The following TLK2 variants were observed in gnomAD, a reference collection of about 807,000 sequenced individuals.
The protein encoded by TLK2 is tousled like kinase 2, also known as serine/threonine-protein kinase tousled-like 2.
Under a neutral mutation model 117.3 loss-of-function variants are expected in TLK2, and 6 were observed. The ratio of observed to expected loss-of-function variants is 0.05; its 90% confidence interval spans 0.03 to 0.10. The LOEUF is 0.10. TLK2 is among the 10% of genes least tolerant of loss of function. The pLI, the probability that TLK2 is intolerant of heterozygous loss-of-function variation, is 1.00. For missense variants in TLK2, 299 were observed against 901.2 expected (o/e 0.33, Z 8.56); for synonymous variants, 257 against 316.7 (o/e 0.81, Z 2.00).
intron 2 of TLK2, among the ~76,000 whole-genome samples, chr17:62,482,484 C>G (rs2071794209): frequency 6.8e-6 from 1 of 148,050 alleles, no homozygotes; most frequent in Non-Finnish European, 1.5e-5. Flanking sequence ...GAGCCTTGCT[C>G]TGTCACCCAG....
At chr17:62,592,396 C>T (rs2082146040) in intron 16 of TLK2, among the ~76,000 whole-genome samples, 1 of 152,098 alleles carries the variant, frequency 6.6e-6, no homozygotes, top group Non-Finnish European at 1.5e-5. Flanking sequence ...AGAAAAGTAC[C>T]TTAAAAATGC....
chr17:62,472,836 G>A (rs2144192098), intron 1 of TLK2, among the ~76,000 whole-genome samples: 1 of 152,138 alleles, frequency 6.6e-6, no homozygotes, highest in South Asian at 2.1e-4. Context: ...AACTCCCCTG[G>A]TTATTATCAG....
chr17:62,516,469 T>C (rs1334408124), intron 2 of TLK2: 4 of 1,602,638 alleles, frequency 2.5e-6, no homozygotes, highest in Non-Finnish European at 3.4e-6. Flanking sequence ...CCTGCCAGTC[T>C]CTGGACGGCT....
chr17:62,611,665 A>G (rs2083781825), intron 21 of TLK2, among the ~76,000 whole-genome samples: 1 of 152,254 alleles, frequency 6.6e-6, no homozygotes, highest in Admixed American at 6.5e-5. Context: ...TATTTAAAAT[A>G]GTTATATTGA....
Position 62,486,180 on chromosome 17 carries a change from G to A in TLK2, c.81+4974G>A, listed in dbSNP as rs558594461. ...GCTGTCCTACCTCTTTTTTTGAGAC[G>A]GGGTCTCACTCTGTCACCTGGGCTA... On this transcript the variant is annotated intron_variant, in intron 2 of 21. Coordinates refer to ENST00000346027, the MANE Select transcript of TLK2 (RefSeq NM_006852.6). Among the ~76,000 whole-genome samples, 4 of 150,876 alleles carry A rather than the reference G, an allele frequency of 2.7e-5. No homozygotes were observed. The South Asian group carries it at 6.3e-4, about 24-fold the overall frequency.
intron 2 of TLK2, among the ~76,000 whole-genome samples, chr17:62,495,392 A>G (rs549755261): frequency 6.6e-6 from 1 of 152,126 alleles, no homozygotes; most frequent in Non-Finnish European, 1.5e-5. Context: ...AAGAGTTTAG[A>G]GTCCAGGGCA....
At chr17:62,474,420 TTTTA>T (rs1177176330), upstream of TLK2, among the ~76,000 whole-genome samples, 24 of 150,136 alleles carry the variant, frequency 1.6e-4, no homozygotes, top group African/African-American at 5.6e-4. Context: ...ATTTATTTAC[TTTTA>T]TTTGAGAGGG....
chr17:62,536,953 G>A (rs1176777548), intron 7 of TLK2, among the ~76,000 whole-genome samples: 5 of 152,146 alleles, frequency 3.3e-5, no homozygotes, highest in Non-Finnish European at 7.3e-5. Flanking sequence ...TTCATAAGGC[G>A]CTATGAGTGC....
At position 62,499,052 on chromosome 17, in the gene TLK2, C is replaced by T. The variant is rs112752397; in HGVS notation, c.81+17846C>T. On this transcript the variant is annotated intron_variant, in intron 2 of 21. Transcript: ENST00000346027. ...CTAATTTTTGTATTTTTTGTAAAGA[C>T]GAGGTTGGCCAGGCGCAGTGACTCA... Among the ~76,000 whole-genome samples, 567 of 151,892 alleles carry T rather than the reference C, an allele frequency of 3.7e-3. 2 individuals are homozygous for T. The highest frequency in any genetic ancestry group is 0.013 in the African/African-American group (535 of 41,472).
At chr17:62,524,622 T>A (rs867466501) in intron 6 of TLK2, among the ~76,000 whole-genome samples, 4 of 152,222 alleles carry the variant, frequency 2.6e-5, no homozygotes, top group Admixed American at 2.0e-4. Context: ...TTTTTTCCCT[T>A]GCCAAATTTG....
chr17:62,608,969 T>C (rs1345086212), intron 21 of TLK2, among the ~76,000 whole-genome samples: 1 of 152,246 alleles, frequency 6.6e-6, no homozygotes, highest in Middle Eastern at 3.2e-3. Flanking sequence ...TTTTCCTTGC[T>C]ATTTTATTTA....
chr17:62,550,255 A>G (rs1169058150), intron 7 of TLK2: 2 of 152,316 alleles, frequency 1.3e-5, no homozygotes, highest in Admixed American at 1.3e-4. Context: ...TGCTGGGATT[A>G]CAGACATGAG....
chr17:62,516,483 G>A (rs2075601615), intron 2 of TLK2: 1 of 1,605,064 alleles, frequency 6.2e-7, no homozygotes, highest in African/African-American at 1.3e-5. Context: ...GACGGCTACG[G>A]CGTAGGGTGG....
rs142280804 is a variant in TLK2 at position 62,602,364 on chromosome 17, T to A, written c.1859+184T>A. Among the ~76,000 whole-genome samples the A allele has an allele frequency of 2.6e-3, 391 of 152,368 alleles. 2 individuals are homozygous for A. The highest frequency in any genetic ancestry group is 8.9e-3 in the African/African-American group (370 of 41,594). On this transcript the variant is annotated intron_variant, in intron 19 of 21. Coordinates refer to ENST00000346027, the MANE Select transcript of TLK2 (RefSeq NM_006852.6). ...TTGACTCTTGGTATTTATATTAATTTGTCTTAATTTTTCTTTCCTTTCTTG... is the reference window on the plus strand; with the variant it reads ...TTGACTCTTGGTATTTATATTAATTAGTCTTAATTTTTCTTTCCTTTCTTG...
chr17:62,516,913 G>A, intron 2 of TLK2: 1 of 625,384 alleles, frequency 1.6e-6, no homozygotes, highest in Non-Finnish European at 2.8e-6. Flanking sequence ...AGTTTCTCCA[G>A]CACCATTTTT....
At position 62,523,146 on chromosome 17, in the gene TLK2, C is replaced by T; in HGVS notation, c.236C>T (p.Pro79Leu). 1 of 1,599,844 alleles carries T rather than the reference C, an allele frequency of 6.3e-7. No individual in the cohort carries two copies. The highest frequency in any genetic ancestry group is 8.5e-7 in the Non-Finnish European group (1 of 1,176,368). ...GTTTCATTTTCAGGGAAAGGCACTC[C>T]TAGGGGACATAAAATTAGTGATTAC... is the stretch of plus-strand genomic sequence containing the variant. ...PYETSQGKGT[P>L]RGHKISDYFE... Residue 79 changes from proline (P) to leucine (L), a missense_variant, in exon 5 of 22, where the codon CCT becomes CTT. By Grantham distance (98) the Pro-to-Leu change is moderately conservative. Coordinates refer to ENST00000346027, the MANE Select transcript of TLK2 (RefSeq NM_006852.6).
intron 3 of TLK2, among the ~76,000 whole-genome samples, chr17:62,521,119 C>A (rs546700125): frequency 2.6e-5 from 4 of 152,238 alleles, no homozygotes; most frequent in African/African-American, 7.2e-5. Context: ...GTGATGGCAC[C>A]ACTGCACTCC....
chr17:62,517,101 C>T (rs1041226092), intron 2 of TLK2, among the ~76,000 whole-genome samples: 82 of 152,010 alleles, frequency 5.4e-4, no homozygotes, highest in African/African-American at 1.8e-3. Context: ...AGGTTGGGTT[C>T]GCCATGTTGG....
intron 4 of TLK2, 140 bp downstream of exon 4, chr17:62,522,413 G>A (rs1326489141): frequency 1.1e-6 from 1 of 938,186 alleles, no homozygotes; most frequent in Middle Eastern, 3.3e-4. Context: ...ATATCAGACT[G>A]TTTATTACAG....
Sources: gnomAD v4.1 joint callset for allele counts (sites outside exome capture counted in the v4.1 genomes callset) on GRCh38, gnomAD v4.1.1 for gene constraint, MANE v1.5 for transcripts, NCBI Gene and HGNC (gene_info 2026-07-23, HGNC 2026-07-21) for gene names.